ZNF618: variants seen among roughly 807,000 people sequenced by gnomAD.
ZNF618 encodes zinc finger protein 618, also known as neural precursor cell expressed, developmentally down-regulated 10.
In ZNF618, 34 loss-of-function variants were observed where a neutral mutation model predicts 103.0. The ratio of observed to expected loss-of-function variants is 0.33; its 90% confidence interval spans 0.25 to 0.44. ZNF618 has a LOEUF of 0.44. Among genes scored for constraint, ZNF618 ranks in the 20% least tolerant of loss-of-function variants. The pLI, the probability that ZNF618 is intolerant of heterozygous loss-of-function variation, is 1.00. For missense variants in ZNF618, 1,059 were observed against 1,295.4 expected (o/e 0.82, Z 2.80); for synonymous variants, 551 against 542.2 (o/e 1.02, Z -0.23).
intron 1 of ZNF618, among the ~76,000 whole-genome samples, chr9:113,899,456 T>C (rs1249169866): frequency 6.6e-6 from 1 of 152,184 alleles, no homozygotes; most frequent in Non-Finnish European, 1.5e-5. Context: ...TTACCTGAGC[T>C]CTGCCTCCTG....
intron 1 of ZNF618, among the ~76,000 whole-genome samples, chr9:113,932,171 G>A (rs1160958159): frequency 6.6e-6 from 1 of 152,206 alleles, no homozygotes; most frequent in African/African-American, 2.4e-5. Flanking sequence ...AGGGCTATTT[G>A]AGTTTGGGAG....
intron 3 of ZNF618, among the ~76,000 whole-genome samples, chr9:113,993,344 G>A (rs1267805274): frequency 6.6e-6 from 1 of 152,248 alleles, no homozygotes; most frequent in African/African-American, 2.4e-5. Context: ...ATGCACCTCA[G>A]AATCCTTCTC....
chr9:113,876,463 CG>C, intron 1 of ZNF618, 50 bp downstream of exon 1: 3 of 1,165,020 alleles, frequency 2.6e-6, no homozygotes, highest in Non-Finnish European at 3.2e-6. Context: ...CCCGGGGGGC[CG>C]GGGCCCGGGG....
At chr9:113,941,734 T>G (rs1834567948) in intron 1 of ZNF618, among the ~76,000 whole-genome samples, 1 of 151,998 alleles carries the variant, frequency 6.6e-6, no homozygotes, top group South Asian at 2.1e-4. Flanking sequence ...CTCTTTGTTT[T>G]TGGAGTTGGG....
In ZNF618 at chr9:114,049,036, C is replaced by T. The variant is rs745986917; in HGVS notation, c.1734C>T (p.Ser578=). The change falls in exon 15 of 15, where the codon AGC becomes AGT. Residue 578 remains serine, a synonymous_variant. Coordinates refer to ENST00000374126, the MANE Select transcript of ZNF618 (RefSeq NM_001318042.2). ...AYQAEGNHIK[S]YVLGVKGADI... The stretch of plus-strand genomic sequence containing the variant: ...AGGCCGAGGGCAACCACATCAAGAG[C>T]TATGTGCTTGGTGTGAAGGGTGCGG... 1.3e-5 allele frequency: 21 copies of T among 1,613,610 alleles called. No individual in the cohort carries two copies. The Admixed American group carries it at 3.0e-4, about 23-fold the overall frequency.
At chr9:113,927,432 C>G (rs1180949134) in intron 1 of ZNF618, among the ~76,000 whole-genome samples, 1 of 152,180 alleles carries the variant, frequency 6.6e-6, no homozygotes, top group African/African-American at 2.4e-5. Context: ...CAGCTGTGAT[C>G]CCATTAGCAT....
At chr9:113,965,812 C>T (rs1837347184) in intron 1 of ZNF618, among the ~76,000 whole-genome samples, 1 of 152,180 alleles carries the variant, frequency 6.6e-6, no homozygotes, top group African/African-American at 2.4e-5. Context: ...ACAGCAGCTG[C>T]AGTGGGAGTT....
chr9:113,996,389 C>T (rs2133486100), intron 3 of ZNF618, among the ~76,000 whole-genome samples: 1 of 152,178 alleles, frequency 6.6e-6, no homozygotes, highest in East Asian at 1.9e-4. Context: ...TCTATCTTGT[C>T]ACATTTTGTG....
intron 10 of ZNF618, among the ~76,000 whole-genome samples, chr9:114,027,022 G>A (rs1014827198): frequency 2.0e-5 from 3 of 152,080 alleles, no homozygotes; most frequent in African/African-American, 7.2e-5. Context: ...CCCAAACTCT[G>A]CCTCACACAG....
rs1844934322 is a variant in ZNF618, at chr9:114,039,474, C to T, written c.1246+3097C>T. Among the ~76,000 whole-genome samples the T allele has an allele frequency of 2.0e-5, 3 of 152,072 alleles. 1 individual carries two copies. The South Asian group carries it at 6.2e-4, about 32-fold the overall frequency. ...CAAGCGATTCTTGTGCCTCAGCCTC[C>T]CTAGTAGCTGGGATTACAGGCATAC... On this transcript the variant is annotated intron_variant, in intron 13 of 14. Transcript: ENST00000374126.
intron 1 of ZNF618, among the ~76,000 whole-genome samples, chr9:113,925,485 T>C (rs1833012377): frequency 6.6e-6 from 1 of 151,850 alleles, no homozygotes; most frequent in African/African-American, 2.4e-5. Context: ...TCTGTCTTTT[T>C]ATTGGCATTT....
chr9:114,044,549 T>G (rs1845495705), intron 13 of ZNF618, among the ~76,000 whole-genome samples: 1 of 152,190 alleles, frequency 6.6e-6, no homozygotes, highest in African/African-American at 2.4e-5. Context: ...CATATAAATT[T>G]TAGGATTGTT....
intron 2 of ZNF618, among the ~76,000 whole-genome samples, chr9:113,987,847 T>C (rs1201898126): frequency 1.3e-5 from 2 of 152,158 alleles, no homozygotes; most frequent in Non-Finnish European, 2.9e-5. Context: ...GGAAAAGAAA[T>C]GCAGAATCTC....
chr9:113,903,311 A>G (rs1259503717), intron 1 of ZNF618, among the ~76,000 whole-genome samples: 1 of 152,240 alleles, frequency 6.6e-6, no homozygotes, highest in Admixed American at 6.5e-5. Flanking sequence ...CCCCATTTCC[A>G]GTGTGTAAGT....
chr9:114,032,415 G>A (rs1844161906), intron 11 of ZNF618, among the ~76,000 whole-genome samples: 1 of 151,974 alleles, frequency 6.6e-6, no homozygotes, highest in East Asian at 1.9e-4. Context: ...TCACTCCCCC[G>A]GCCCCCGTGC....
At chr9:113,991,572 G>A (rs1351068721) in intron 3 of ZNF618, among the ~76,000 whole-genome samples, 1 of 152,234 alleles carries the variant, frequency 6.6e-6, no homozygotes, top group South Asian at 2.1e-4. Flanking sequence ...AGTATAAAAT[G>A]CCTCTTCAAG....
Position 114,051,557 on chromosome 9 carries a change from C to T in ZNF618, c.*1390C>T, listed in dbSNP as rs960185899. The T allele has an allele frequency of 6.5e-6, 1 of 152,986 alleles. No individual in the cohort carries two copies. Among genetic ancestry groups the T allele is most frequent in the African/African-American group, 2.4e-5 (1 of 41,392 alleles). The allele number at this position is 152,986 out of a possible 1,614,324, so 9.5% of individuals were successfully genotyped here. On this transcript the variant is annotated 3_prime_UTR_variant, in exon 15 of 15. Coordinates refer to ENST00000374126, the MANE Select transcript of ZNF618 (RefSeq NM_001318042.2). ...CACATCCACCACACCTCAGACCTGCCACAGCCTCTCCTCACTTCCCAGGAC... is the reference window on the plus strand; with the variant it reads ...CACATCCACCACACCTCAGACCTGCTACAGCCTCTCCTCACTTCCCAGGAC...
intron 1 of ZNF618, among the ~76,000 whole-genome samples, chr9:113,924,186 C>T (rs1376878070): frequency 2.0e-5 from 3 of 151,890 alleles, no homozygotes. Context: ...GATTCAGTTT[C>T]CTTTATATTA....
At chr9:113,966,189 A>G (rs775514547) in intron 1 of ZNF618, among the ~76,000 whole-genome samples, 5 of 152,160 alleles carry the variant, frequency 3.3e-5, no homozygotes, top group Non-Finnish European at 5.9e-5. Flanking sequence ...ACCTTATTTA[A>G]GCTATCTCAA....
Sources: gnomAD v4.1 joint callset for allele counts (sites outside exome capture counted in the v4.1 genomes callset) on GRCh38, gnomAD v4.1.1 for gene constraint, MANE v1.5 for transcripts, NCBI Gene and HGNC (gene_info 2026-07-23, HGNC 2026-07-21) for gene names.